The following ARHGAP23 variants were observed in gnomAD, a reference collection of about 807,000 sequenced individuals.
ARHGAP23 encodes rho GTPase-activating protein 23.
Under a neutral mutation model 136.3 loss-of-function variants are expected in ARHGAP23, and 34 were observed. The observed-to-expected ratio is 0.25, with a 90% CI of 0.19 to 0.33. The LOEUF (loss-of-function observed/expected upper bound fraction) is 0.33, where lower values mean the gene tolerates loss of function less well. Ranked by LOEUF, ARHGAP23 falls within the 10% of genes least tolerant of loss-of-function variation. The pLI, the probability that ARHGAP23 is intolerant of heterozygous loss-of-function variation, is 1.00. For missense variants in ARHGAP23, 1,808 were observed against 2,139.0 expected (o/e 0.85, Z 3.05); for synonymous variants, 832 against 920.5 (o/e 0.90, Z 1.74).
chr17:38,431,759 C>T (rs375858330), intron 1 of ARHGAP23, among the ~76,000 whole-genome samples: 13 of 152,204 alleles, frequency 8.5e-5, no homozygotes, highest in African/African-American at 3.1e-4. Flanking sequence ...TGTTACGCTA[C>T]AGTGGGGAAA....
chr17:38,502,063 C>T (rs1168264608), intron 23 of ARHGAP23, among the ~76,000 whole-genome samples: 4 of 152,194 alleles, frequency 2.6e-5, no homozygotes, highest in African/African-American at 9.6e-5. Flanking sequence ...AATCCTAGCA[C>T]TTTGGGAGGC....
intron 1 of ARHGAP23, among the ~76,000 whole-genome samples, chr17:38,447,437 G>GAAAAAAAAAAAAAAAAAAAAAAA (rs71138625): frequency 3.9e-5 from 1 of 25,644 alleles, no homozygotes; most frequent in Non-Finnish European, 7.2e-5. Flanking sequence ...GACTCCGTCT[G>GAAAAAAAAAAAAAAAAAAAAAAA]AAAAAAAAAA....
intron 23 of ARHGAP23, among the ~76,000 whole-genome samples, chr17:38,505,652 A>G (rs1193113821): frequency 6.6e-6 from 1 of 152,222 alleles, no homozygotes; most frequent in Non-Finnish European, 1.5e-5. Context: ...GAGGAGGCCA[A>G]GCATGGTGGC....
rs2039498104 is a variant in ARHGAP23 at position 38,463,026 on chromosome 17, G to A, written c.349+85G>A. 18 of 1,529,408 alleles carry A rather than the reference G, an allele frequency of 1.2e-5. No individual in the cohort carries two copies. In the South Asian group the frequency reaches 2.2e-4, roughly 19 times the overall value. 94.7% of individuals were successfully genotyped at this position (1,529,408 alleles called of 1,614,324 possible). A position where few individuals can be genotyped will look rare whatever the true frequency, so the allele number is the denominator to read the frequency against. On this transcript the variant is annotated intron_variant, in intron 4 of 23. Coordinates refer to ENST00000622683, the MANE Select transcript of ARHGAP23 (RefSeq NM_001199417.2). ...AGATCCAGGTGTTGGGGAGGCTCCT[G>A]TCCCCACAGTGTTAGCCATGCCTGG...
At chr17:38,448,684 C>T (rs1055968529) in intron 1 of ARHGAP23, among the ~76,000 whole-genome samples, 2 of 138,758 alleles carry the variant, frequency 1.4e-5, no homozygotes, top group Admixed American at 1.5e-4. Flanking sequence ...CTTGGTCCGT[C>T]ACCCAGGCTG....
chr17:38,422,940 C>G (rs902573066), intron 1 of ARHGAP23, among the ~76,000 whole-genome samples: 1 of 152,176 alleles, frequency 6.6e-6, no homozygotes, highest in South Asian at 2.1e-4. Context: ...GTGCCCCACC[C>G]TCTCCCTCCT....
intron 19 of ARHGAP23, among the ~76,000 whole-genome samples, chr17:38,490,980 A>G (rs1334249511): frequency 1.3e-5 from 2 of 152,200 alleles, no homozygotes; most frequent in Non-Finnish European, 2.9e-5. Flanking sequence ...GTGCCTTGGC[A>G]CGATCTCGGC....
chr17:38,435,314 G>A (rs939303450), intron 1 of ARHGAP23, among the ~76,000 whole-genome samples: 2 of 152,086 alleles, frequency 1.3e-5, no homozygotes, highest in Admixed American at 6.5e-5. Context: ...AGGGGCCTCA[G>A]GTTGTTGAGT....
In ARHGAP23 at chr17:38,491,457, G is replaced by A. The variant is rs202230752; in HGVS notation, c.3201G>A (p.Thr1067=). 4.4e-4 allele frequency: 679 copies of A among 1,549,640 alleles called. 6 individuals carry two copies. In the South Asian group the frequency reaches 6.1e-3, roughly 14 times the overall value. ...ALVFGPTLVR[T]SEDNMTDMVT... ...TCTTTGGGCCGACACTGGTGAGGAC[G>A]TCTGAGGACAACATGACAGACATGG... The change falls in exon 20 of 24, where the codon ACG becomes ACA. Residue 1067 remains threonine, a synonymous_variant. Transcript: ENST00000622683.
chr17:38,476,896 G>A (rs2039905337), intron 11 of ARHGAP23, among the ~76,000 whole-genome samples: 1 of 152,182 alleles, frequency 6.6e-6, no homozygotes, highest in African/African-American at 2.4e-5. Flanking sequence ...AACTACAGGT[G>A]TAGAGGGTGG....
At chr17:38,439,940 G>C (rs955779276) in intron 1 of ARHGAP23, among the ~76,000 whole-genome samples, 6 of 151,824 alleles carry the variant, frequency 4.0e-5, no homozygotes, top group Non-Finnish European at 7.4e-5. Context: ...GTGTTGACCA[G>C]GCTGGTCTAA....
At chr17:38,431,095 TC>T (rs748772453) in intron 1 of ARHGAP23, among the ~76,000 whole-genome samples, 12 of 152,036 alleles carry the variant, frequency 7.9e-5, no homozygotes, top group Admixed American at 5.9e-4. Context: ...GGCTCTAGAG[TC>T]TGGCTCTCAC....
chr17:38,470,743 G>C (rs2039732723), intron 10 of ARHGAP23, among the ~76,000 whole-genome samples: 2 of 151,930 alleles, frequency 1.3e-5, no homozygotes, highest in South Asian at 4.2e-4. Flanking sequence ...CACCATGTTG[G>C]CCAGACTGGT....
intron 12 of ARHGAP23, among the ~76,000 whole-genome samples, chr17:38,479,044 T>A (rs7501938): frequency 1.5e-4 from 23 of 152,052 alleles, no homozygotes; most frequent in Admixed American, 1.2e-3. Flanking sequence ...TGGGGGCCTC[T>A]CTTGGCTGTC....
At chr17:38,475,599 G>A (rs1400537535) in intron 11 of ARHGAP23, among the ~76,000 whole-genome samples, 1 of 152,240 alleles carries the variant, frequency 6.6e-6, no homozygotes, top group South Asian at 2.1e-4. Context: ...GCTGAGGCCT[G>A]TGCTGGATGT....
upstream of ARHGAP23, among the ~76,000 whole-genome samples, chr17:38,424,369 T>C (rs1001559231): frequency 1.3e-5 from 2 of 152,054 alleles, no homozygotes; most frequent in African/African-American, 2.4e-5. Context: ...GCCTGTCCCT[T>C]CCTGTTAATG....
At position 38,510,813 on chromosome 17, in the gene ARHGAP23, C is replaced by T; in HGVS notation, c.4317C>T (p.His1439=). 1 of 1,507,380 alleles carries T rather than the reference C, an allele frequency of 6.6e-7. No homozygotes were observed. The allele number at this position is 1,507,380 out of a possible 1,614,324, so 93.4% of individuals were successfully genotyped here. A position where few individuals can be genotyped will look rare whatever the true frequency, so the allele number is the denominator to read the frequency against. The change falls in exon 24 of 24, where the codon CAC becomes CAT. Residue 1439 remains histidine (H), a synonymous_variant. Transcript: ENST00000622683. This position sits in a 1 kb window ranked among gnomAD's most constrained non-coding sequence, Gnocchi z 4.6. ...GPPEPAGARA[H]SDNKDSGLSS... is the part of the protein sequence containing the mutation. ...CGGAGCCTGCGGGCGCGCGGGCGCA[C>T]AGTGACAACAAGGACTCCGGACTCA...
chr17:38,420,907 G>A (rs987112653), intron 1 of ARHGAP23, among the ~76,000 whole-genome samples: 1 of 152,106 alleles, frequency 6.6e-6, no homozygotes, highest in Non-Finnish European at 1.5e-5. Context: ...TTTACGTTAC[G>A]TGAATTTCAC....
At chr17:38,444,377 G>A (rs1185376098) in intron 1 of ARHGAP23, among the ~76,000 whole-genome samples, 2 of 152,138 alleles carry the variant, frequency 1.3e-5, no homozygotes, top group African/African-American at 2.4e-5. Flanking sequence ...GAGAGGACGC[G>A]GCGGTGTCTC....
Sources: gnomAD v4.1 joint callset for allele counts (sites outside exome capture counted in the v4.1 genomes callset) on GRCh38, gnomAD v4.1.1 for gene constraint, Gnocchi (gnomAD v3.1) non-coding constraint, MANE v1.5 for transcripts, NCBI Gene and HGNC (gene_info 2026-07-23, HGNC 2026-07-21) for gene names.